The following RARB variants were observed in gnomAD, a reference collection of about 807,000 sequenced individuals.
The protein encoded by RARB is HBV-activated protein.
In RARB, 17 loss-of-function variants were observed where a neutral mutation model predicts 51.9. The observed-to-expected ratio is 0.33, with a 90% CI of 0.22 to 0.49. The LOEUF (loss-of-function observed/expected upper bound fraction) is 0.49, where lower values mean the gene tolerates loss of function less well. RARB is among the 20% of genes least tolerant of loss of function. The probability of loss-of-function intolerance (pLI) is 0.99; values close to 1 mark genes in which losing one functional copy is unlikely to be tolerated. For synonymous variants in RARB, 215 were observed against 195.4 expected (o/e 1.10, Z -0.84); for missense variants, 369 against 550.8 (o/e 0.67, Z 3.30).
At chr3:25,387,599 C>T (rs903559697) in intron 5 of RARB, among the ~76,000 whole-genome samples, 5 of 152,102 alleles carry the variant, frequency 3.3e-5, no homozygotes, top group Non-Finnish European at 7.3e-5. Context: ...TCCCTCCCCA[C>T]GAGTCTTCTG....
chr3:24,996,211 T>A (rs923763593), intron 2 of RARB, among the ~76,000 whole-genome samples: 2 of 152,038 alleles, frequency 1.3e-5, no homozygotes. Flanking sequence ...CAGAAACTTA[T>A]TTATTTCCTC....
intron 5 of RARB, among the ~76,000 whole-genome samples, chr3:25,293,597 T>TAAAAAAAAAAACAAAA (rs1703841441): frequency 1.5e-5 from 1 of 68,660 alleles, no homozygotes; most frequent in Non-Finnish European, 3.1e-5. Flanking sequence ...TTACTCCATT[T>TAAAAAAAAAAACAAAA]AAAAAAAAAA....
intron 4 of RARB, among the ~76,000 whole-genome samples, chr3:25,163,117 C>G (rs150780106): frequency 3.4e-4 from 52 of 152,292 alleles, no homozygotes; most frequent in African/African-American, 1.3e-3. Context: ...TAATAGTGGG[C>G]TGAATGTCCT....
At chr3:25,459,364 C>T (rs1173827489) in intron 1 of RARB, among the ~76,000 whole-genome samples, 3 of 152,152 alleles carry the variant, frequency 2.0e-5, no homozygotes, top group Non-Finnish European at 4.4e-5. Flanking sequence ...TTATATAGAA[C>T]TCAATAAATT....
intron 2 of RARB, among the ~76,000 whole-genome samples, chr3:25,498,890 G>A (rs1013038649): frequency 2.0e-5 from 3 of 152,194 alleles, no homozygotes; most frequent in African/African-American, 7.2e-5. Context: ...TGTAGGGAAA[G>A]ATATGTTTTT....
At chr3:25,099,194 T>C (rs534536179) in intron 3 of RARB, among the ~76,000 whole-genome samples, 23 of 152,200 alleles carry the variant, frequency 1.5e-4, no homozygotes, top group Non-Finnish European at 2.2e-4. Flanking sequence ...GCTTTAAATA[T>C]AGCAGTTCGT....
intron 5 of RARB, among the ~76,000 whole-genome samples, chr3:25,588,446 G>A (rs1701488311): frequency 6.6e-6 from 1 of 152,208 alleles, no homozygotes; most frequent in Admixed American, 6.5e-5. Flanking sequence ...CATGGTTAGG[G>A]AGAATGCCTT....
chr3:25,584,349 A>G (rs1490423498), intron 5 of RARB, among the ~76,000 whole-genome samples: 1 of 152,220 alleles, frequency 6.6e-6, no homozygotes, highest in Admixed American at 6.5e-5. Context: ...ACAGCGTCTT[A>G]CATGCAACAG....
At chr3:25,383,397 G>T (rs1158943336) in intron 5 of RARB, among the ~76,000 whole-genome samples, 1 of 152,144 alleles carries the variant, frequency 6.6e-6, no homozygotes, top group Admixed American at 6.5e-5. Flanking sequence ...ATGAAAAGAT[G>T]ATTTGCTTAT....
chr3:24,988,429 C>T (rs931108985), intron 2 of RARB, among the ~76,000 whole-genome samples: 1 of 152,112 alleles, frequency 6.6e-6, no homozygotes, highest in Non-Finnish European at 1.5e-5. Flanking sequence ...TTCTTTTCTA[C>T]CAGACTTAAT....
chr3:25,307,157 A>G (rs1044559488), intron 5 of RARB, among the ~76,000 whole-genome samples: 12 of 152,104 alleles, frequency 7.9e-5, no homozygotes, highest in East Asian at 5.8e-4. Flanking sequence ...AGGCGGATCA[A>G]TTGAGAACCG....
At chr3:25,357,323 G>A (rs1385512123) in intron 5 of RARB, among the ~76,000 whole-genome samples, 1 of 152,190 alleles carries the variant, frequency 6.6e-6, no homozygotes, top group East Asian at 1.9e-4. Flanking sequence ...CTTTTCAAAA[G>A]TATCTGCTCA....
At chr3:25,106,450 T>TTTTTTG (rs1491231864) in intron 3 of RARB, among the ~76,000 whole-genome samples, 59 of 87,846 alleles carry the variant, frequency 6.7e-4, no homozygotes, top group African/African-American at 2.5e-3. Context: ...TACTGTTTTT[T>TTTTTTG]GTTTTTTGTT....
chr3:25,093,927 T>A (rs1421653276), intron 3 of RARB, among the ~76,000 whole-genome samples: 3 of 152,154 alleles, frequency 2.0e-5, no homozygotes, highest in Non-Finnish European at 1.5e-5. Context: ...GGGAGACTGA[T>A]TTGAGTCATA....
At chr3:25,339,504 A>G (rs1017154583) in intron 5 of RARB, among the ~76,000 whole-genome samples, 1 of 151,100 alleles carries the variant, frequency 6.6e-6, no homozygotes, top group East Asian at 1.9e-4. Flanking sequence ...CTCTGAGTCT[A>G]CTCTGACTCA....
intron 5 of RARB, among the ~76,000 whole-genome samples, chr3:25,209,567 T>G (rs1701641743): frequency 6.6e-6 from 1 of 152,198 alleles, no homozygotes; most frequent in South Asian, 2.1e-4. Context: ...GGCAGACCCA[T>G]GGATACGTGG....
chr3:25,594,685 C>G lies in RARB; in HGVS notation c.1150+7C>G, dbSNP rs763828299. The G allele has an allele frequency of 2.5e-6, 4 of 1,605,930 alleles. No homozygotes were observed. Among genetic ancestry groups the G allele is most frequent in the East Asian group, 4.5e-5 (2 of 44,744 alleles). On this transcript the variant is annotated splice_region_variant and intron_variant, in intron 7 of 7. Coordinates refer to ENST00000330688, the MANE Select transcript of RARB (RefSeq NM_000965.5). ...CGTAGCATCAGTGCTAAAGGTATGTCTTCGTGCTCTCAGTACTGTAGTCAC... is the reference window on the plus strand; with the variant it reads ...CGTAGCATCAGTGCTAAAGGTATGTGTTCGTGCTCTCAGTACTGTAGTCAC...
rs150388593 is a variant in RARB at position 24,962,119 on chromosome 3, C to T, written c.-379-98006C>T. Among the ~76,000 whole-genome samples, 128 of 151,780 alleles carry T rather than the reference C, an allele frequency of 8.4e-4. 1 individual carries two copies. Among genetic ancestry groups the T allele is most frequent in the African/African-American group, 2.9e-3 (121 of 41,410 alleles). On this transcript the variant is annotated intron_variant, in intron 2 of 11. Coordinates refer to the RARB transcript ENST00000383772. ...TGATTTTTTCTATTTTTAGTAGAGA[C>T]GGGGTTTCACCGTGTTAGCCAGGAT...
intron 5 of RARB, among the ~76,000 whole-genome samples, chr3:25,199,097 A>G (rs1701318787): frequency 6.6e-6 from 1 of 152,120 alleles, no homozygotes; most frequent in African/African-American, 2.4e-5. Flanking sequence ...TACACAATGG[A>G]GTACTACTAT....
Sources: allele counts gnomAD v4.1 joint callset (sites outside exome capture counted in the v4.1 genomes callset), GRCh38; gene constraint gnomAD v4.1.1; transcripts MANE v1.5; gene names NCBI Gene and HGNC (gene_info 2026-07-23, HGNC 2026-07-21).